Variants in PLPP4 observed in about 807,000 individuals in gnomAD.
PLPP4 encodes the protein phospholipid phosphatase 4, also known as diacylglycerol pyrophosphate like 2.
In PLPP4, 20 loss-of-function variants were observed where a neutral mutation model predicts 32.2. That is an observed-to-expected ratio of 0.62 (90% CI 0.44 to 0.90). The LOEUF is 0.90. Ranked by LOEUF, PLPP4 falls within the 40% of genes least tolerant of loss-of-function variation. The pLI is 0.00. For synonymous variants in PLPP4, 127 were observed against 133.0 expected (o/e 0.95, Z 0.31); for missense variants, 257 against 353.1 (o/e 0.73, Z 2.18).
At chr10:120,546,095 C>T (rs116304079) in intron 5 of PLPP4, among the ~76,000 whole-genome samples, 9 of 152,180 alleles carry the variant, frequency 5.9e-5, no homozygotes, top group Admixed American at 3.9e-4. Flanking sequence ...GAAGGCTGCA[C>T]TGTGGGCTTC....
chr10:120,562,948 A>G (rs924975796), intron 5 of PLPP4, among the ~76,000 whole-genome samples: 1 of 152,226 alleles, frequency 6.6e-6, no homozygotes, highest in African/African-American at 2.4e-5. Context: ...AGATATAAAT[A>G]TACATTTCAG....
chr10:120,541,368 T>C (rs985558908), intron 5 of PLPP4, among the ~76,000 whole-genome samples: 4 of 152,216 alleles, frequency 2.6e-5, no homozygotes, highest in Admixed American at 6.5e-5. Context: ...ACTGTGATTC[T>C]GGAGAAGTCA....
intron 5 of PLPP4, among the ~76,000 whole-genome samples, chr10:120,567,674 GTTTGTT>G (rs1184524511): frequency 6.6e-6 from 1 of 151,586 alleles, no homozygotes; most frequent in African/African-American, 2.4e-5. Context: ...GTTGCTGTTT[GTTTGTT>G]TGTTTTTTTG....
chr10:120,513,249 C>G (rs1044003896), intron 2 of PLPP4, among the ~76,000 whole-genome samples: 1 of 152,132 alleles, frequency 6.6e-6, no homozygotes, highest in African/African-American at 2.4e-5. Flanking sequence ...ACAGAGTTAT[C>G]ATGAGGATGT....
At chr10:120,528,278 G>A (rs1846521018) in intron 5 of PLPP4, among the ~76,000 whole-genome samples, 1 of 152,060 alleles carries the variant, frequency 6.6e-6, no homozygotes, top group African/African-American at 2.4e-5. Flanking sequence ...GTTTCACCGT[G>A]TTAGCCAGGA....
intron 1 of PLPP4, among the ~76,000 whole-genome samples, chr10:120,464,957 G>C (rs1177849207): frequency 6.6e-6 from 1 of 152,138 alleles, no homozygotes; most frequent in Admixed American, 6.5e-5. Context: ...AAATGAGTTG[G>C]CTGTACCCAG....
At chr10:120,525,179 G>T (rs1302139240) in intron 5 of PLPP4, among the ~76,000 whole-genome samples, 1 of 152,154 alleles carries the variant, frequency 6.6e-6, no homozygotes, top group East Asian at 1.9e-4. Context: ...TTGAGGAGTT[G>T]TAGAAGAGAA....
rs962660536 is a variant in PLPP4 at position 120,589,985 on chromosome 10, T to A, written c.*483T>A. 1 of 153,002 alleles carries A rather than the reference T, an allele frequency of 6.5e-6. No individual in the cohort carries two copies. Among genetic ancestry groups the A allele is most frequent in the African/African-American group, 2.4e-5 (1 of 41,470 alleles). 9.5% of individuals were successfully genotyped at this position (153,002 alleles called of 1,614,324 possible). A position where few individuals can be genotyped will look rare whatever the true frequency, so the allele number is the denominator to read the frequency against. ...AAAGGCTCAGAACCTTTCTGAGCCA[T>A]CAGCTTCTCATAGCCCACGTCTCTA... On this transcript the variant is annotated 3_prime_UTR_variant, in exon 7 of 7. Coordinates refer to ENST00000398250, the MANE Select transcript of PLPP4 (RefSeq NM_001030059.3).
chr10:120,520,754 A>G (rs912548054), intron 4 of PLPP4, among the ~76,000 whole-genome samples: 4 of 152,140 alleles, frequency 2.6e-5, no homozygotes, highest in Non-Finnish European at 5.9e-5. Context: ...AAAGTGAGTA[A>G]GTGGTACATG....
At chr10:120,509,483 A>T (rs535981525) in intron 2 of PLPP4, among the ~76,000 whole-genome samples, 4 of 152,272 alleles carry the variant, frequency 2.6e-5, no homozygotes, top group African/African-American at 9.6e-5. Context: ...TTATGTGGGC[A>T]CTGTGCAGTA....
At chr10:120,513,798 G>A in intron 2 of PLPP4, 113 bp from the exon 3 acceptor site, 1 of 831,618 alleles carries the variant, frequency 1.2e-6, no homozygotes, top group Non-Finnish European at 2.1e-6. Context: ...CAGGAGTTCA[G>A]TAAGATTATT....
At chr10:120,567,196 A>T (rs756731772) in intron 5 of PLPP4, among the ~76,000 whole-genome samples, 1 of 152,236 alleles carries the variant, frequency 6.6e-6, no homozygotes, top group Non-Finnish European at 1.5e-5. Flanking sequence ...CTACACTGCT[A>T]GAAATAGAAG....
chr10:120,580,265 A>G (rs1473685187), intron 6 of PLPP4, among the ~76,000 whole-genome samples: 1 of 152,114 alleles, frequency 6.6e-6, no homozygotes, highest in Non-Finnish European at 1.5e-5. Context: ...TAGGGGAGGA[A>G]TAATCGGATC....
intron 5 of PLPP4, among the ~76,000 whole-genome samples, chr10:120,531,873 TACACACAC>T (rs145252286): frequency 2.0e-5 from 3 of 148,150 alleles, no homozygotes; most frequent in East Asian, 2.0e-4. Context: ...CTACACACAC[TACACACAC>T]ACACACACAC....
chr10:120,564,517 A>G (rs1848597329), intron 5 of PLPP4, among the ~76,000 whole-genome samples: 2 of 151,876 alleles, frequency 1.3e-5, no homozygotes, highest in African/African-American at 4.8e-5. Context: ...GTCCTATCTA[A>G]TATTTCTGTT....
intron 5 of PLPP4, among the ~76,000 whole-genome samples, chr10:120,540,621 G>A (rs943273082): frequency 6.6e-5 from 10 of 152,338 alleles, no homozygotes; most frequent in African/African-American, 1.9e-4. Flanking sequence ...TTGCTCCTCT[G>A]CTGGGCACCC....
intron 5 of PLPP4, among the ~76,000 whole-genome samples, chr10:120,564,236 T>C (rs74497867): frequency 0.028 from 4,211 of 152,186 alleles, 71 homozygotes; most frequent in Middle Eastern, 0.04. Context: ...CACAGTTGTT[T>C]AGTAGAGCTT....
intron 3 of PLPP4, among the ~76,000 whole-genome samples, chr10:120,515,813 C>G (rs1845913058): frequency 6.6e-6 from 1 of 152,196 alleles, no homozygotes; most frequent in Non-Finnish European, 1.5e-5. Flanking sequence ...ATTCTTTATT[C>G]TAGTGGCTCC....
chr10:120,480,451 C>T (rs921515386), intron 1 of PLPP4, among the ~76,000 whole-genome samples: 6 of 152,074 alleles, frequency 3.9e-5, no homozygotes, highest in East Asian at 1.9e-4. Context: ...ATCAAATTTG[C>T]GAATGACAGA....
Sources: allele counts gnomAD v4.1 joint callset (sites outside exome capture counted in the v4.1 genomes callset), GRCh38; gene constraint gnomAD v4.1.1; transcripts MANE v1.5; gene names NCBI Gene and HGNC (gene_info 2026-07-23, HGNC 2026-07-21).